The following ASIC4 variants were observed in gnomAD, a reference collection of about 807,000 sequenced individuals.
The protein encoded by ASIC4 is acid-sensing ion channel 4.
A neutral mutation model predicts 53.4 loss-of-function variants in ASIC4; 28 were observed. That is an observed-to-expected ratio of 0.52 (90% CI 0.39 to 0.72). The LOEUF is 0.72. Among genes scored for constraint, ASIC4 ranks in the 30% least tolerant of loss-of-function variants. The probability of loss-of-function intolerance (pLI) is 0.00; values close to 1 mark genes in which losing one functional copy is unlikely to be tolerated. For synonymous variants in ASIC4, 289 were observed against 301.4 expected (o/e 0.96, Z 0.43); for missense variants, 649 against 729.7 (o/e 0.89, Z 1.27).
At chr2:219,532,507 A>T (rs756727765) in intron 4 of ASIC4, 30 bp downstream of exon 4, 2 of 1,598,088 alleles carry the variant, frequency 1.3e-6, no homozygotes, top group Non-Finnish European at 1.7e-6. Flanking sequence ...CCAGCCCTCC[A>T]TGCCACCCTG....
chr2:219,535,775 T>C (rs1018414410), intron 6 of ASIC4, among the ~76,000 whole-genome samples: 90 of 148,184 alleles, frequency 6.1e-4, no homozygotes, highest in Non-Finnish European at 8.0e-4. Flanking sequence ...TCTCCTTCTT[T>C]TTTTTTTTTT....
At chr2:219,507,326 G>T in the ASIC4 span, among the ~76,000 whole-genome samples, 1 of 152,236 alleles carries the variant, frequency 6.6e-6, no homozygotes, top group Non-Finnish European at 1.5e-5. Context: ...AGAGGAACTG[G>T]GGCCACAGGC....
chr2:219,534,778 CA>C (rs1695100019), intron 5 of ASIC4, among the ~76,000 whole-genome samples: 1 of 20,442 alleles, frequency 4.9e-5, no homozygotes, highest in Non-Finnish European at 2.9e-4. Context: ...TCCATCCATC[CA>C]TCCATCCATC....
At position 219,515,038 on chromosome 2, in the gene ASIC4, C is replaced by A. The variant is rs758944408; in HGVS notation, c.314C>A (p.Ala105Asp). ...RPHLVAMDPA[A>D]PAPVAGFPAV... ...CACCTGGTGGCAATGGACCCCGCTGCCCCAGCCCCAGTGGCGGGCTTCCCG... is the reference window on the plus strand; with the variant it reads ...CACCTGGTGGCAATGGACCCCGCTGACCCAGCCCCAGTGGCGGGCTTCCCG... Residue 105 changes from alanine to aspartate, a missense_variant, in exon 1 of 10, where the codon GCC becomes GAC. By Grantham distance (126) the Ala-to-Asp change is moderately radical. Transcript: ENST00000358078. 1.9e-5 allele frequency: 31 copies of A among 1,613,562 alleles called. No individual in the cohort carries two copies. The highest frequency in any genetic ancestry group is 2.5e-5 in the Non-Finnish European group (30 of 1,179,976).
chr2:219,529,621 C>A (rs886126843), intron 1 of ASIC4, among the ~76,000 whole-genome samples: 1 of 152,076 alleles, frequency 6.6e-6, no homozygotes, highest in Admixed American at 6.5e-5. Flanking sequence ...GCTGGAGCCT[C>A]GCCCCTCGAT....
upstream of ASIC4, among the ~76,000 whole-genome samples, chr2:219,510,385 C>T (rs773626915): frequency 2.6e-5 from 4 of 152,176 alleles, no homozygotes; most frequent in South Asian, 2.1e-4. This position sits in a 1 kb window ranked among gnomAD's most constrained non-coding sequence, Gnocchi z 5.2. Context: ...CTCAGGCCCC[C>T]GCTGTGGCTA....
upstream of ASIC4, chr2:219,514,264 T>TG: frequency 6.9e-7 from 1 of 1,453,644 alleles, no homozygotes; most frequent in Non-Finnish European, 9.1e-7. Context: ...TCCCCTGGCC[T>TG]GGCTCCTGAC....
chr2:219,525,619 G>A (rs953695652), intron 1 of ASIC4, among the ~76,000 whole-genome samples: 3 of 152,230 alleles, frequency 2.0e-5, no homozygotes, highest in African/African-American at 7.2e-5. Context: ...GACACCTCAG[G>A]CATTTTGGTT....
chr2:219,509,154 C>T, the ASIC4 span, among the ~76,000 whole-genome samples: 1 of 152,096 alleles, frequency 6.6e-6, no homozygotes, highest in Non-Finnish European at 1.5e-5. The surrounding 1 kb of genome is among the most constrained non-coding windows in gnomAD (Gnocchi z 5.2). Context: ...GGGGCCCAGT[C>T]CCACCTCCAT....
intron 1 of ASIC4, among the ~76,000 whole-genome samples, chr2:219,526,081 G>A (rs3770232): frequency 0.014 from 2,181 of 152,308 alleles, 30 homozygotes; most frequent in East Asian, 0.052. Flanking sequence ...CCCTGGCCCC[G>A]CTAATTGCCT....
intron 1 of ASIC4, among the ~76,000 whole-genome samples, chr2:219,522,912 C>G (rs1460032941): frequency 1.3e-5 from 2 of 151,950 alleles, no homozygotes; most frequent in Non-Finnish European, 2.9e-5. Flanking sequence ...GCTCGGGAGC[C>G]GTGATGGATG....
Position 219,514,976 on chromosome 2 carries a change from G to C in ASIC4, c.252G>C (p.Gln84His). ...LLTSLAAFLY[Q>H]AAGLARGYLT... Reference sequence around the variant, plus strand: ...CCTCGCTGGCTGCCTTCCTGTACCAGGCGGCTGGCCTGGCCCGGGGCTACC... The same window carrying C: ...CCTCGCTGGCTGCCTTCCTGTACCACGCGGCTGGCCTGGCCCGGGGCTACC... Residue 84 changes from glutamine (Q) to histidine (H), a missense_variant, in exon 1 of 10, where the codon CAG becomes CAC. By Grantham distance (24) the Gln-to-His change is conservative. Coordinates refer to ENST00000358078, the MANE Select transcript of ASIC4 (RefSeq NM_018674.6). 4 of 1,613,230 alleles carry C rather than the reference G, an allele frequency of 2.5e-6. No homozygotes were observed. The highest frequency in any genetic ancestry group is 3.4e-6 in the Non-Finnish European group (4 of 1,179,848).
Position 219,531,992 on chromosome 2 carries a change from G to A in ASIC4, c.728-9G>A, listed in dbSNP as rs1401931807. The A allele has an allele frequency of 6.2e-7, 1 of 1,614,070 alleles. No homozygotes were observed. Among genetic ancestry groups the A allele is most frequent in the Admixed American group, 1.7e-5 (1 of 60,012 alleles). On this transcript the variant is annotated splice_polypyrimidine_tract_variant and intron_variant, in intron 2 of 9. Coordinates refer to ENST00000358078, the MANE Select transcript of ASIC4 (RefSeq NM_018674.6). Reference sequence around the variant, plus strand: ...TGGGTTTCCAAAGGTCCCCATCTCTGCTGTGCAGATGAGACGTCGTTTGAG... The same window carrying A: ...TGGGTTTCCAAAGGTCCCCATCTCTACTGTGCAGATGAGACGTCGTTTGAG...
upstream of ASIC4, among the ~76,000 whole-genome samples, chr2:219,513,580 A>G (rs995533865): frequency 6.6e-6 from 1 of 151,840 alleles, no homozygotes; most frequent in African/African-American, 2.4e-5. Flanking sequence ...CCTCCATTGC[A>G]TGCCCTGTCC....
the ASIC4 span, among the ~76,000 whole-genome samples, chr2:219,509,071 G>T: frequency 2.2e-4 from 34 of 151,710 alleles, no homozygotes; most frequent in Non-Finnish European, 4.1e-4. This position sits in a 1 kb window ranked among gnomAD's most constrained non-coding sequence, Gnocchi z 5.2. Context: ...AGACTTGGGG[G>T]AGGCTGGCCA....
Position 219,514,908 on chromosome 2 carries a change from C to G in ASIC4, c.184C>G (p.Pro62Ala). The stretch of plus-strand genomic sequence containing the variant: ...ACTGGGCCGGGCCTGTGGCCCAGGC[C>G]CCCACGGACTGCGCAGAACCCTGTG... ...HGLGRACGPG[P>A]HGLRRTLWAL... Residue 62 changes from proline (P) to alanine (A), a missense_variant, in exon 1 of 10, where the codon CCC becomes GCC. Physicochemically the swap from Pro to Ala is conservative, Grantham distance 27 (BLOSUM62 -1). Coordinates refer to ENST00000358078, the MANE Select transcript of ASIC4 (RefSeq NM_018674.6). 1 of 1,612,960 alleles carries G rather than the reference C, an allele frequency of 6.2e-7. No homozygotes were observed. Among genetic ancestry groups the G allele is most frequent in the South Asian group, 1.1e-5 (1 of 91,044 alleles).
intron 4 of ASIC4, 100 bp from the exon 5 acceptor site, chr2:219,532,783 T>C: frequency 8.9e-7 from 1 of 1,123,384 alleles, no homozygotes; most frequent in South Asian, 1.4e-5. Context: ...TATGCAAATG[T>C]GTGCATATGT....
At chr2:219,513,590 C>T (rs1694729605), upstream of ASIC4, among the ~76,000 whole-genome samples, 1 of 152,204 alleles carries the variant, frequency 6.6e-6, no homozygotes, top group Non-Finnish European at 1.5e-5. Context: ...ATGCCCTGTC[C>T]CCCTACATAT....
Position 219,532,124 on chromosome 2 carries a change from AGCGG to A in ASIC4, c.853_855+1del. The stretch of plus-strand genomic sequence containing the variant: ...CAGACCTTTGTGTCCTGCCAGGAAC[AGCGG>A]GTGAGCATCTCCTGCTAGGCCCTGG... On this transcript the variant is annotated frameshift_variant and splice_region_variant, in exon 3 of 10. Transcript: ENST00000358078. LOFTEE classifies it high-confidence loss of function. 1 of 1,614,168 alleles carries A rather than the reference AGCGG, an allele frequency of 6.2e-7. No homozygotes were observed.
Sources: gnomAD v4.1 joint callset for allele counts (sites outside exome capture counted in the v4.1 genomes callset) on GRCh38, gnomAD v4.1.1 for gene constraint, Gnocchi (gnomAD v3.1) non-coding constraint, MANE v1.5 for transcripts, NCBI Gene and HGNC (gene_info 2026-07-23, HGNC 2026-07-21) for gene names.